SLIT3: variants seen among roughly 807,000 people sequenced by gnomAD.
SLIT3 encodes the protein slit homolog 3 protein.
Under a neutral mutation model 184.0 loss-of-function variants are expected in SLIT3, and 68 were observed. That is an observed-to-expected ratio of 0.37 (90% CI 0.30 to 0.45). SLIT3 has a LOEUF of 0.45. Among genes scored for constraint, SLIT3 ranks in the 20% least tolerant of loss-of-function variants. The probability of loss-of-function intolerance (pLI) is 1.00; values close to 1 mark genes in which losing one functional copy is unlikely to be tolerated. For synonymous variants in SLIT3, 831 were observed against 828.6 expected (o/e 1.00, Z -0.05); for missense variants, 1,707 against 2,026.0 (o/e 0.84, Z 3.02).
intron 12 of SLIT3, among the ~76,000 whole-genome samples, chr5:168,782,978 C>T (rs996579731): frequency 1.3e-5 from 2 of 152,100 alleles, no homozygotes; most frequent in African/African-American, 2.4e-5. Flanking sequence ...TTTCTAGAAA[C>T]CATTACGATG....
At chr5:168,833,267 A>G (rs766990762) in intron 6 of SLIT3, among the ~76,000 whole-genome samples, 1 of 152,212 alleles carries the variant, frequency 6.6e-6, no homozygotes, top group Non-Finnish European at 1.5e-5. Context: ...AAAAAGCTGC[A>G]CAGGGTGCAT....
At chr5:169,190,687 C>T (rs1763525242) in intron 4 of SLIT3, among the ~76,000 whole-genome samples, 1 of 152,202 alleles carries the variant, frequency 6.6e-6, no homozygotes, top group Non-Finnish European at 1.5e-5. Flanking sequence ...GTTTATCCCA[C>T]ATGGCATACT....
At chr5:168,843,342 C>T (rs1029380489) in intron 6 of SLIT3, among the ~76,000 whole-genome samples, 1 of 152,172 alleles carries the variant, frequency 6.6e-6, no homozygotes, top group Non-Finnish European at 1.5e-5. Flanking sequence ...CAAAGGAATG[C>T]TTCAAAATAT....
At chr5:169,169,039 G>T (rs977616483) in intron 4 of SLIT3, among the ~76,000 whole-genome samples, 3 of 56,250 alleles carry the variant, frequency 5.3e-5, no homozygotes, top group East Asian at 1.1e-3. Flanking sequence ...GCCCAGAGTG[G>T]GGGGGGGATC....
chr5:169,011,952 T>TC (rs1188218251), intron 4 of SLIT3, among the ~76,000 whole-genome samples: 1 of 151,944 alleles, frequency 6.6e-6, no homozygotes, highest in Non-Finnish European at 1.5e-5. Context: ...CTTGCTTTTT[T>TC]TTTTTTTTGG....
intron 29 of SLIT3, among the ~76,000 whole-genome samples, chr5:168,691,594 C>T (rs1322192045): frequency 3.3e-5 from 5 of 152,204 alleles, no homozygotes; most frequent in Non-Finnish European, 5.9e-5. Context: ...GCCCAGGGCC[C>T]TCATCTCTAG....
intron 4 of SLIT3, among the ~76,000 whole-genome samples, chr5:168,982,912 T>C (rs974231882): frequency 1.3e-5 from 2 of 152,234 alleles, no homozygotes; most frequent in African/African-American, 4.8e-5. Flanking sequence ...GGACTCCTGT[T>C]GTACTGGCTC....
At chr5:169,227,140 C>T (rs1298937210) in intron 3 of SLIT3, among the ~76,000 whole-genome samples, 6 of 152,152 alleles carry the variant, frequency 3.9e-5, no homozygotes, top group Admixed American at 3.9e-4. Context: ...CCCTAGTGGG[C>T]ACTGGCATAT....
intron 4 of SLIT3, among the ~76,000 whole-genome samples, chr5:168,993,900 A>G (rs535862365): frequency 4.7e-4 from 72 of 152,376 alleles, no homozygotes; most frequent in African/African-American, 1.7e-3. Flanking sequence ...AACAAAACAA[A>G]GGCAAAACAC....
At chr5:169,063,082 C>T (rs184979607) in intron 4 of SLIT3, among the ~76,000 whole-genome samples, 65 of 152,296 alleles carry the variant, frequency 4.3e-4, no homozygotes, top group African/African-American at 1.4e-3. Flanking sequence ...AGCTTAACCA[C>T]GAAGCTTGGA....
chr5:169,028,193 C>G (rs1215848647), intron 4 of SLIT3, among the ~76,000 whole-genome samples: 2 of 151,938 alleles, frequency 1.3e-5, no homozygotes, highest in African/African-American at 4.8e-5. Context: ...TGCACAGAAG[C>G]CTTAAGAATG....
intron 14 of SLIT3, among the ~76,000 whole-genome samples, chr5:168,763,415 A>G (rs1385628020): frequency 2.6e-5 from 4 of 152,152 alleles, no homozygotes; most frequent in Non-Finnish European, 4.4e-5. Context: ...AATATTGGTA[A>G]TAAATTCCAA....
intron 9 of SLIT3, among the ~76,000 whole-genome samples, chr5:168,798,944 G>A (rs1360421479): frequency 6.6e-6 from 1 of 152,214 alleles, no homozygotes; most frequent in Non-Finnish European, 1.5e-5. Flanking sequence ...GTCAGGGAGA[G>A]GTTGAGCTGG....
Position 168,671,397 on chromosome 5 carries a change from G to A in SLIT3, c.3928C>T (p.Arg1310Cys), listed in dbSNP as rs1449214831. The stretch of plus-strand genomic sequence containing the variant: ...AAGTCCTGCAGCTCGTTGTTGATGC[G>A]CACCTCATGGATGCATCCGTGGAAG... ...GGFHGCIHEV[R>C]INNELQDFKA... Residue 1310 changes from arginine (R) to cysteine (C), a missense_variant, in exon 34 of 36, where the codon CGC becomes TGC. Coordinates refer to ENST00000519560, the MANE Select transcript of SLIT3 (RefSeq NM_003062.4). 1.2e-6 allele frequency: 2 copies of A among 1,614,064 alleles called. No homozygotes were observed. The highest frequency in any genetic ancestry group is 8.5e-7 in the Non-Finnish European group (1 of 1,180,002).
chr5:169,160,608 A>G (rs1003831106), intron 4 of SLIT3, among the ~76,000 whole-genome samples: 7 of 152,234 alleles, frequency 4.6e-5, no homozygotes, highest in African/African-American at 1.7e-4. Flanking sequence ...CATTCACTCA[A>G]CAAACATTTA....
intron 4 of SLIT3, among the ~76,000 whole-genome samples, chr5:168,986,260 T>C (rs1326228361): frequency 6.6e-6 from 1 of 152,152 alleles, no homozygotes; most frequent in Non-Finnish European, 1.5e-5. Context: ...CCCTATATGA[T>C]AGATGATGAA....
chr5:169,145,565 C>T (rs1166709151), intron 4 of SLIT3, among the ~76,000 whole-genome samples: 1 of 152,202 alleles, frequency 6.6e-6, no homozygotes, highest in Non-Finnish European at 1.5e-5. Flanking sequence ...ATACATTGGG[C>T]TCCTTGTCAC....
chr5:169,006,134 A>C (rs1755916778), intron 4 of SLIT3, among the ~76,000 whole-genome samples: 1 of 152,332 alleles, frequency 6.6e-6, no homozygotes, highest in South Asian at 2.1e-4. Context: ...ACCAAGTGGT[A>C]ATGCCTGGTC....
At chr5:168,964,183 A>G (rs549750329) in intron 4 of SLIT3, among the ~76,000 whole-genome samples, 1 of 152,382 alleles carries the variant, frequency 6.6e-6, no homozygotes, top group African/African-American at 2.4e-5. Context: ...AGCATTTGGG[A>G]AAACACTTCT....
Sources: gnomAD v4.1 joint callset for allele counts (sites outside exome capture counted in the v4.1 genomes callset) on GRCh38, gnomAD v4.1.1 for gene constraint, MANE v1.5 for transcripts, NCBI Gene and HGNC (gene_info 2026-07-23, HGNC 2026-07-21) for gene names.